The following DIAPH1 variants were observed in gnomAD, a reference collection of about 807,000 sequenced individuals.
The protein encoded by DIAPH1 is protein diaphanous homolog 1.
A neutral mutation model predicts 140.7 loss-of-function variants in DIAPH1; 46 were observed. The observed-to-expected ratio is 0.33, with a 90% CI of 0.26 to 0.42. DIAPH1 has a LOEUF of 0.42. DIAPH1 is among the 10% of genes least tolerant of loss of function. The pLI is 1.00. For synonymous variants in DIAPH1, 565 were observed against 551.6 expected, an observed-to-expected ratio of 1.02 and a Z score of -0.34; for missense variants, 1,310 against 1,558.7, an observed-to-expected ratio of 0.84 and a Z score of 2.69.
chr5:141,529,403 A>T, intron 20 of DIAPH1, 130 bp from the exon 21 acceptor site: 1 of 921,556 alleles, frequency 1.1e-6, no homozygotes, highest in Non-Finnish European at 1.8e-6. Context: ...TGGTGGGAGA[A>T]GAGAGGCAGC....
chr5:141,566,363 G>C (rs1043412854), intron 18 of DIAPH1, among the ~76,000 whole-genome samples: 1 of 152,150 alleles, frequency 6.6e-6, no homozygotes, highest in Non-Finnish European at 1.5e-5. Context: ...TAGAAGAGTG[G>C]ATATGAGTCA....
intron 21 of DIAPH1, 38 bp from the exon 22 acceptor site, chr5:141,528,979 GA>G: frequency 6.2e-7 from 1 of 1,613,622 alleles, no homozygotes; most frequent in Non-Finnish European, 8.5e-7. Flanking sequence ...ACAGTCAAAA[GA>G]GGGGGAAGTC....
intron 1 of DIAPH1, among the ~76,000 whole-genome samples, chr5:141,605,904 A>G (rs1376102118): frequency 6.6e-6 from 1 of 152,184 alleles, no homozygotes; most frequent in Non-Finnish European, 1.5e-5. Context: ...TAAGTAACGA[A>G]CAGCCCTGGC....
chr5:141,577,535 T>C lies in DIAPH1; in HGVS notation c.1220A>G (p.Glu407Gly). 3 of 1,614,058 alleles carry C rather than the reference T, an allele frequency of 1.9e-6. No homozygotes were observed. In the South Asian group the frequency reaches 3.3e-5, roughly 18 times the overall value. Residue 407 changes from glutamate (E) to glycine (G), a missense_variant, in exon 12 of 28, where the codon GAG becomes GGG. Physicochemically the swap from Glu to Gly is moderately conservative, Grantham distance 98. Around this residue, in one of 3 missense-constraint regions of DIAPH1, gnomAD observed 589 missense variants for 549.3 expected, o/e 1.07. Transcript: ENST00000389054. ...CTGCAGGATGGAAAGGAAGTGTGGC[T>C]CTGCCTTTGAATCCTTCACTGTGTT... The part of the protein sequence containing the change: ...LLNTVKDSKA[E>G]PHFLSILQHL...
rs2099894285 is a variant in DIAPH1 at position 141,565,843 on chromosome 5, T to C, written c.2482+5585A>G. ...AGTGAGTTAGCAGGAAAAGTAAGTGTTTCCTGTCCTGAAAGCTAAGAGAAG... is the reference window on the plus strand; with the variant it reads ...AGTGAGTTAGCAGGAAAAGTAAGTGCTTCCTGTCCTGAAAGCTAAGAGAAG... On this transcript the variant is annotated intron_variant, in intron 18 of 27. Transcript: ENST00000389054. This position sits in a 1 kb window ranked among gnomAD's most constrained non-coding sequence, Gnocchi z 4.3. Among the ~76,000 whole-genome samples the C allele has an allele frequency of 6.6e-6, 1 of 152,180 alleles. No homozygotes were observed. Among genetic ancestry groups the C allele is most frequent in the Non-Finnish European group, 1.5e-5 (1 of 68,042 alleles).
Position 141,539,837 on chromosome 5 carries a change from T to C in DIAPH1, c.2483-5404A>G, listed in dbSNP as rs576802263. ...TTTTTCTTGGTCAATCTGGCTAAAG[T>C]TTTATGAATTTTGTTATCTTTTTAA... On this transcript the variant is annotated intron_variant, in intron 18 of 27. Coordinates refer to ENST00000389054, the MANE Select transcript of DIAPH1 (RefSeq NM_005219.5). Among the ~76,000 whole-genome samples, 42 of 152,194 alleles carry C rather than the reference T, an allele frequency of 2.8e-4. No individual in the cohort carries two copies. In the South Asian group the frequency reaches 8.7e-3, roughly 31 times the overall value.
At chr5:141,603,818 G>A (rs2099900519) in intron 1 of DIAPH1, among the ~76,000 whole-genome samples, 1 of 152,154 alleles carries the variant, frequency 6.6e-6, no homozygotes, top group Admixed American at 6.5e-5. Flanking sequence ...TTCTCTAATA[G>A]TTCAAGAAGG....
intron 18 of DIAPH1, among the ~76,000 whole-genome samples, chr5:141,562,535 G>A (rs1464825910): frequency 6.6e-6 from 1 of 151,440 alleles, no homozygotes; most frequent in Non-Finnish European, 1.5e-5. Context: ...GGAGAAGGAT[G>A]GCATGGATGA....
rs781375115 is a variant in DIAPH1 at position 141,516,834 on chromosome 5, C to T, written c.*17G>A. ...CTGCGGCTCCGCTGAGGAGCTGCCG[C>T]GGTCACAGGACCCACATTAGCTTGC... On this transcript the variant is annotated 3_prime_UTR_variant, in exon 28 of 28. Transcript: ENST00000389054. 5.6e-6 allele frequency: 9 copies of T among 1,613,676 alleles called. No individual in the cohort carries two copies. The highest frequency in any genetic ancestry group is 1.1e-5 in the South Asian group (1 of 91,046).
At chr5:141,535,189 A>G (rs1402805939) in intron 18 of DIAPH1, among the ~76,000 whole-genome samples, 12 of 152,158 alleles carry the variant, frequency 7.9e-5, no homozygotes, top group Non-Finnish European at 1.5e-5. Context: ...GGATCAAGCA[A>G]TCTGCCTGCC....
chr5:141,560,763 T>C (rs2099893405), intron 18 of DIAPH1: 1 of 431,676 alleles, frequency 2.3e-6, no homozygotes, highest in Non-Finnish European at 4.7e-6. Context: ...TATTCTGTTT[T>C]ATTCAGGGTT....
intron 1 of DIAPH1, among the ~76,000 whole-genome samples, chr5:141,599,838 C>T (rs1465272693): frequency 2.0e-5 from 3 of 152,124 alleles, no homozygotes; most frequent in Non-Finnish European, 2.9e-5. Context: ...GATATCATTC[C>T]TGTGATTAGA....
chr5:141,605,060 A>G (rs72792325), intron 1 of DIAPH1, among the ~76,000 whole-genome samples: 7,021 of 152,208 alleles, frequency 0.046, 223 homozygotes, highest in African/African-American at 0.08. Context: ...AAACTTCCAT[A>G]TATCATGTAC....
At chr5:141,560,631 CT>C (rs2099893383) in intron 18 of DIAPH1, 16 of 179,020 alleles carry the variant, frequency 8.9e-5, no homozygotes, top group South Asian at 1.8e-4. Flanking sequence ...GTACCTTCAT[CT>C]TTTTTTTAGG....
At chr5:141,614,566 C>A (rs2099902358) in intron 1 of DIAPH1, among the ~76,000 whole-genome samples, 1 of 152,136 alleles carries the variant, frequency 6.6e-6, no homozygotes, top group Non-Finnish European at 1.5e-5. Context: ...AAAAAATTTA[C>A]CAACTCTCCC....
intron 18 of DIAPH1, among the ~76,000 whole-genome samples, chr5:141,548,978 A>G (rs905499780): frequency 1.3e-5 from 2 of 152,182 alleles, no homozygotes; most frequent in Non-Finnish European, 2.9e-5. Flanking sequence ...ATGTGAAATA[A>G]TACAGTTCTA....
At position 141,527,699 on chromosome 5, in the gene DIAPH1, T is replaced by TAAAAAAAAACAAAAAAAA; in HGVS notation, c.3149-3_3149-2insTTTTTTTTGTTTTTTTTT. On this transcript the variant is annotated splice_polypyrimidine_tract_variant and splice_region_variant and intron_variant, in intron 23 of 27. Coordinates refer to ENST00000389054, the MANE Select transcript of DIAPH1 (RefSeq NM_005219.5). ...TCTTTTGCAAGTTTTCAGCAGAAAC[T>TAAAAAAAAACAAAAAAAA]AAAAAAAAAAAAAAAAAAAAAAACC... 1 of 1,130,080 alleles carries TAAAAAAAAACAAAAAAAA rather than the reference T, an allele frequency of 8.8e-7. No homozygotes were observed. Among genetic ancestry groups the TAAAAAAAAACAAAAAAAA allele is most frequent in the Non-Finnish European group, 1.1e-6 (1 of 891,156 alleles). 70.0% of individuals were successfully genotyped at this position (1,130,080 alleles called of 1,614,324 possible). A position where few individuals can be genotyped will look rare whatever the true frequency, so the allele number is the denominator to read the frequency against.
rs2099894196 is a variant in DIAPH1 at position 141,565,227 on chromosome 5, C to T, written c.2482+6201G>A. The T allele has an allele frequency of 6.6e-6, 1 of 152,158 alleles. No homozygotes were observed. Among genetic ancestry groups the T allele is most frequent in the South Asian group, 2.1e-4 (1 of 4,826 alleles). 9.4% of individuals were successfully genotyped at this position (152,158 alleles called of 1,614,324 possible). On this transcript the variant is annotated intron_variant, in intron 18 of 27. Coordinates refer to ENST00000389054, the MANE Select transcript of DIAPH1 (RefSeq NM_005219.5). The surrounding 1 kb of genome is among the most constrained non-coding windows in gnomAD (Gnocchi z 4.3). ...AAACAGTATATACTGTATAAGATCA[C>T]ACCAATTATATTAAAAAAGAAGTGT...
chr5:141,536,382 A>G (rs771102705), intron 18 of DIAPH1, among the ~76,000 whole-genome samples: 1 of 152,174 alleles, frequency 6.6e-6, no homozygotes, highest in Non-Finnish European at 1.5e-5. Context: ...AATTATCTCA[A>G]TAAATATTTA....
Sources: gnomAD v4.1 joint callset for allele counts (sites outside exome capture counted in the v4.1 genomes callset) on GRCh38, gnomAD v4.1.1 for gene constraint, gnomAD v4.1.1 regional missense constraint, Gnocchi (gnomAD v3.1) non-coding constraint, MANE v1.5 for transcripts, NCBI Gene and HGNC (gene_info 2026-07-23, HGNC 2026-07-21) for gene names.